COLGALT1: variants seen among roughly 807,000 people sequenced by gnomAD.
The protein encoded by COLGALT1 is collagen beta(1-O)galactosyltransferase 1, also known as procollagen galactosyltransferase 1.
COLGALT1 carries 43 observed loss-of-function variants against 60.8 expected under a neutral mutation model. The observed-to-expected ratio is 0.71, with a 90% CI of 0.55 to 0.91. The LOEUF is 0.91. COLGALT1 is among the 40% of genes least tolerant of loss of function. The pLI is 0.00. For synonymous variants in COLGALT1, 369 were observed against 374.2 expected (o/e 0.99, Z 0.16); for missense variants, 845 against 880.0 (o/e 0.96, Z 0.50).
At chr19:17,576,660 G>C (rs962520574) in intron 6 of COLGALT1, among the ~76,000 whole-genome samples, 12 of 146,408 alleles carry the variant, frequency 8.2e-5, no homozygotes, top group African/African-American at 2.8e-4. Context: ...CTGTTGCATG[G>C]CCAGGGTTTA....
In COLGALT1 at chr19:17,568,549, A is replaced by G. The variant is rs554463318; in HGVS notation, c.665A>G (p.Lys222Arg). The change falls in exon 5 of 12, where the codon AAG becomes AGG. Residue 222 changes from lysine (K) to arginine (R), a missense_variant. Lys to Arg is a conservative substitution (Grantham distance 26). Coordinates refer to ENST00000252599, the MANE Select transcript of COLGALT1 (RefSeq NM_024656.4). Reference protein sequence around the residue: ...KRTPAYIPIRKRDRRGCFAVP... With the variant: ...KRTPAYIPIRRRDRRGCFAVP... Reference sequence around the variant, plus strand: ...ACACCTGCCTACATCCCTATCCGCAAGCGAGACCGCCGGGGCTGCTTTGCA... The same window carrying G: ...ACACCTGCCTACATCCCTATCCGCAGGCGAGACCGCCGGGGCTGCTTTGCA... The G allele has an allele frequency of 2.5e-6, 4 of 1,614,204 alleles. No homozygotes were observed. In the African/African-American group the frequency reaches 4.0e-5, roughly 16 times the overall value.
chr19:17,578,128 C>T (rs765175288), intron 9 of COLGALT1, 39 bp downstream of exon 9: 2 of 1,526,690 alleles, frequency 1.3e-6, no homozygotes, highest in Non-Finnish European at 1.8e-6. Flanking sequence ...AGTTATGACT[C>T]TAGATCTCAT....
At chr19:17,561,279 C>T in intron 3 of COLGALT1, among the ~76,000 whole-genome samples, 1 of 151,950 alleles carries the variant, frequency 6.6e-6, no homozygotes, top group Middle Eastern at 3.4e-3. Flanking sequence ...CGGGGTCTTG[C>T]TATGTTGCCC....
chr19:17,580,801 C>A lies in COLGALT1; in HGVS notation c.1497C>A (p.Tyr499Ter), dbSNP rs372306441. The change falls in exon 11 of 12, where the codon TAC (tyrosine) becomes TAA (stop). Residue 499 changes from tyrosine (Y) to a stop codon, truncating the protein, a stop_gained. Transcript: ENST00000252599. LOFTEE classifies it high-confidence loss of function. ...ACTATTCCTACTGGACCCTGGCCTA[C>A]GTGATCTCCCTGCAAGGCGCCCGCA... is the stretch of plus-strand genomic sequence containing the variant. ...EADYSYWTLA[Y>*]VISLQGARKL... 2 of 1,614,054 alleles carry A rather than the reference C, an allele frequency of 1.2e-6. No homozygotes were observed. Among genetic ancestry groups the A allele is most frequent in the Non-Finnish European group, 1.7e-6 (2 of 1,180,014 alleles).
rs377549471 is a variant in COLGALT1, at chr19:17,580,749, C to G, written c.1445C>G (p.Pro482Arg). The change falls in exon 11 of 12, where the codon CCT (proline) becomes CGT (arginine). Residue 482 changes from proline (P) to arginine (R), a missense_variant. Coordinates refer to ENST00000252599, the MANE Select transcript of COLGALT1 (RefSeq NM_024656.4). ...GTGGAGCACCCCGAGAAGGCTGTGC[C>G]TCGCGTGAGGAACCTGGTGGAGGCC... ...MQVEHPEKAV[P>R]RVRNLVEADY... 6.2e-7 allele frequency: 1 copy of G among 1,614,126 alleles called. No individual in the cohort carries two copies. Among genetic ancestry groups the G allele is most frequent in the South Asian group, 1.1e-5 (1 of 91,080 alleles).
In COLGALT1 at chr19:17,580,450, G is replaced by A. The variant is rs188041523; in HGVS notation, c.1395-249G>A. 4.7e-5 allele frequency: 26 copies of A among 558,080 alleles called. 1 individual carries two copies. The East Asian group carries it at 5.6e-4, about 12-fold the overall frequency. The allele number at this position is 558,080 out of a possible 1,614,324, so 34.6% of individuals were successfully genotyped here. ...AGCTTCAGCCTCAGAGAACGTCTGCGTGATCCTGCTCTCCCCAGCTCCAGA... is the reference window on the plus strand; with the variant it reads ...AGCTTCAGCCTCAGAGAACGTCTGCATGATCCTGCTCTCCCCAGCTCCAGA... On this transcript the variant is annotated intron_variant, in intron 10 of 11. Transcript: ENST00000252599.
Position 17,568,626 on chromosome 19 carries a change from A to G in COLGALT1, c.742A>G (p.Arg248Gly). ...FLIDLRKAAS[R>G]NLAFYPPHPD... The stretch of plus-strand genomic sequence containing the variant: ...GATCGACCTGCGGAAGGCGGCGTCC[A>G]GGAACCTGGCCTTCTACCCACCTCA... The change falls in exon 5 of 12, where the codon AGG (arginine) becomes GGG (glycine). Residue 248 changes from arginine to glycine, a missense_variant. Transcript: ENST00000252599. The G allele has an allele frequency of 6.2e-7, 1 of 1,614,200 alleles. No homozygotes were observed. Among genetic ancestry groups the G allele is most frequent in the South Asian group, 1.1e-5 (1 of 91,084 alleles).
intron 3 of COLGALT1, among the ~76,000 whole-genome samples, chr19:17,561,907 G>C (rs963569514): frequency 6.6e-6 from 1 of 152,078 alleles, no homozygotes; most frequent in Non-Finnish European, 1.5e-5. Context: ...CAGAGTCTCT[G>C]TTGCCCAGGT....
chr19:17,581,559 G>GCCACA lies in COLGALT1; in HGVS notation c.*115_*116insCCACA. The GCCACA allele has an allele frequency of 7.3e-7, 1 of 1,364,538 alleles. No individual in the cohort carries two copies. Among genetic ancestry groups the GCCACA allele is most frequent in the Non-Finnish European group, 9.8e-7 (1 of 1,024,888 alleles). 84.5% of individuals were successfully genotyped at this position (1,364,538 alleles called of 1,614,324 possible). On this transcript the variant is annotated 3_prime_UTR_variant, in exon 12 of 12. Coordinates refer to ENST00000252599, the MANE Select transcript of COLGALT1 (RefSeq NM_024656.4). ...GCAGGCCACAGAGGGCTCTCGTGTGGGGTGGTGTCCAGCCAGCTCTTGCTA... is the reference window on the plus strand; with the variant it reads ...GCAGGCCACAGAGGGCTCTCGTGTGGCCACAGGTGGTGTCCAGCCAGCTCTTGCTA...
intron 3 of COLGALT1, among the ~76,000 whole-genome samples, chr19:17,562,671 A>AAG (rs1174996080): frequency 1.3e-5 from 2 of 151,646 alleles, no homozygotes; most frequent in African/African-American, 4.8e-5. Context: ...CAAAAAAAAA[A>AAG]AGCCACACAC....
At position 17,578,027 on chromosome 19, in the gene COLGALT1, G is replaced by C; in HGVS notation, c.1204G>C (p.Gly402Arg). Residue 402 changes from glycine to arginine, a missense_variant, in exon 9 of 12, where the codon GGC (glycine) becomes CGC (arginine). Physicochemically the swap from Gly to Arg is moderately radical, Grantham distance 125. Transcript: ENST00000252599. ...GCCTGGCTACCGGGACCCCTACCAC[G>C]GCCGGCCCCTCACCAAGGGTGAGCT... ...MLPGYRDPYH[G>R]RPLTKGELGC... 1 of 1,611,654 alleles carries C rather than the reference G, an allele frequency of 6.2e-7. No homozygotes were observed. The highest frequency in any genetic ancestry group is 1.1e-5 in the South Asian group (1 of 90,656).
Position 17,581,553 on chromosome 19 carries a change from C to T in COLGALT1, c.*109C>T, listed in dbSNP as rs1470759627. On this transcript the variant is annotated 3_prime_UTR_variant, in exon 12 of 12. Coordinates refer to ENST00000252599, the MANE Select transcript of COLGALT1 (RefSeq NM_024656.4). Reference sequence around the variant, plus strand: ...CCCTTGGCAGGCCACAGAGGGCTCTCGTGTGGGGTGGTGTCCAGCCAGCTC... The same window carrying T: ...CCCTTGGCAGGCCACAGAGGGCTCTTGTGTGGGGTGGTGTCCAGCCAGCTC... 2.8e-5 allele frequency: 39 copies of T among 1,396,548 alleles called. No homozygotes were observed. The highest frequency in any genetic ancestry group is 8.7e-5 in the African/African-American group (6 of 69,282). The allele number at this position is 1,396,548 out of a possible 1,614,324, so 86.5% of individuals were successfully genotyped here.
intron 3 of COLGALT1, among the ~76,000 whole-genome samples, chr19:17,564,263 G>A (rs2076266829): frequency 6.6e-6 from 1 of 151,286 alleles, no homozygotes. Flanking sequence ...TCGTATATGT[G>A]TATGTGTGTG....
chr19:17,581,253 C>T lies in COLGALT1; in HGVS notation c.1678C>T (p.His560Tyr). ...GGAGCCGCTGCTCATCTACCCCACA[C>T]ACTACACAGGAGACGATGGCTATGT... The part of the protein sequence containing the change: ...SVEPLLIYPT[H>Y]YTGDDGYVSD... Residue 560 changes from histidine (H) to tyrosine (Y), a missense_variant, in exon 12 of 12, where the codon CAC (histidine) becomes TAC (tyrosine). By Grantham distance (83) the His-to-Tyr change is moderately conservative. Coordinates refer to ENST00000252599, the MANE Select transcript of COLGALT1 (RefSeq NM_024656.4). The T allele has an allele frequency of 6.2e-7, 1 of 1,611,972 alleles. No individual in the cohort carries two copies. Among genetic ancestry groups the T allele is most frequent in the Non-Finnish European group, 8.5e-7 (1 of 1,179,982 alleles).
chr19:17,580,762 C>G lies in COLGALT1; in HGVS notation c.1458C>G (p.Asn486Lys), dbSNP rs2076375495. ...HPEKAVPRVR[N>K]LVEADYSYWT... Reference sequence around the variant, plus strand: ...AGAAGGCTGTGCCTCGCGTGAGGAACCTGGTGGAGGCCGACTATTCCTACT... The same window carrying G: ...AGAAGGCTGTGCCTCGCGTGAGGAAGCTGGTGGAGGCCGACTATTCCTACT... Residue 486 changes from asparagine (N) to lysine (K), a missense_variant, in exon 11 of 12, where the codon AAC (asparagine) becomes AAG (lysine). Physicochemically the swap from Asn to Lys is moderately conservative, Grantham distance 94. Transcript: ENST00000252599. The G allele has an allele frequency of 6.2e-7, 1 of 1,614,028 alleles. No individual in the cohort carries two copies. Among genetic ancestry groups the G allele is most frequent in the African/African-American group, 1.3e-5 (1 of 75,002 alleles).
intron 6 of COLGALT1, 198 bp from the exon 7 acceptor site, chr19:17,576,997 C>T (rs894510600): frequency 1.7e-5 from 10 of 597,126 alleles, no homozygotes; most frequent in African/African-American, 1.5e-4. Flanking sequence ...GGGGTGTGGC[C>T]AGGGCTTTGG....
At chr19:17,556,169 G>GGCAC (rs1362317815) in intron 1 of COLGALT1, among the ~76,000 whole-genome samples, 196 bp downstream of exon 1, 2 of 152,088 alleles carry the variant, frequency 1.3e-5, no homozygotes, top group Non-Finnish European at 2.9e-5. Flanking sequence ...GGGTCCACGC[G>GGCAC]TGCCCCCTGC....
intron 6 of COLGALT1, among the ~76,000 whole-genome samples, chr19:17,574,274 C>T (rs1036242097): frequency 5.3e-5 from 8 of 151,670 alleles, no homozygotes; most frequent in South Asian, 2.1e-4. Context: ...AGTCTATCTG[C>T]GGCTCCCCCT....
chr19:17,575,229 T>G (rs1413944452), intron 6 of COLGALT1, among the ~76,000 whole-genome samples: 1 of 151,958 alleles, frequency 6.6e-6, no homozygotes, highest in Non-Finnish European at 1.5e-5. Flanking sequence ...TTTTGTATTT[T>G]TATTTTTATT....
Sources: allele counts gnomAD v4.1 joint callset (sites outside exome capture counted in the v4.1 genomes callset), GRCh38; gene constraint gnomAD v4.1.1; transcripts MANE v1.5; gene names NCBI Gene and HGNC (gene_info 2026-07-23, HGNC 2026-07-21).